NOM1: variants seen among roughly 807,000 people sequenced by gnomAD.
NOM1 encodes nucleolar protein with MIF4G domain 1.
Under a neutral mutation model 73.3 loss-of-function variants are expected in NOM1, and 58 were observed. The observed-to-expected ratio is 0.79, with a 90% CI of 0.64 to 0.99. The LOEUF is 0.99. NOM1 is among the 50% of genes least tolerant of loss of function. The pLI is 0.00. For synonymous variants in NOM1, 487 were observed against 446.8 expected (o/e 1.09, Z -1.14); for missense variants, 1,226 against 1,131.9 (o/e 1.08, Z -1.19).
intron 7 of NOM1, among the ~76,000 whole-genome samples, chr7:156,965,429 A>C (rs1804969736): frequency 6.6e-6 from 1 of 152,238 alleles, no homozygotes; most frequent in Non-Finnish European, 1.5e-5. Context: ...ACAGAGGCAG[A>C]GTCAAAACTA....
intron 3 of NOM1, among the ~76,000 whole-genome samples, chr7:156,956,290 T>C (rs1449034360): frequency 2.6e-5 from 4 of 152,126 alleles, no homozygotes; most frequent in Admixed American, 2.0e-4. Flanking sequence ...GTGGAGATGC[T>C]GCCTGAGTAC....
In NOM1 at chr7:156,950,657, G is replaced by A. The variant is rs761050431; in HGVS notation, c.920G>A (p.Arg307Lys). 6.4e-6 allele frequency: 10 copies of A among 1,552,344 alleles called. No homozygotes were observed. The South Asian group carries it at 1.1e-4, about 17-fold the overall frequency. Reference protein sequence around the residue: ...KGAQEKRRGKRVRFAEDEEKS... With the variant: ...KGAQEKRRGKKVRFAEDEEKS... ...GCGCAGGAGAAAAGGAGGGGGAAGA[G>A]AGTCCGTTTTGCAGAAGATGAAGAA... The change falls in exon 1 of 11, where the codon AGA (arginine) becomes AAA (lysine). Residue 307 changes from arginine to lysine, a missense_variant. By Grantham distance (26) the Arg-to-Lys change is conservative. Coordinates refer to ENST00000275820, the MANE Select transcript of NOM1 (RefSeq NM_138400.2).
At chr7:156,964,761 G>A (rs1276400374) in intron 7 of NOM1, among the ~76,000 whole-genome samples, 1 of 152,008 alleles carries the variant, frequency 6.6e-6, no homozygotes, top group Non-Finnish European at 1.5e-5. Context: ...GTTTCTAGTT[G>A]GAGTGGAAGT....
chr7:156,964,225 G>A (rs1804941099), intron 7 of NOM1, 199 bp downstream of exon 7: 5 of 391,960 alleles, frequency 1.3e-5, no homozygotes, highest in Non-Finnish European at 2.3e-5. Flanking sequence ...GCCTCTAGTA[G>A]TTCCTCATTA....
In NOM1 at chr7:156,962,990, C is replaced by T; in HGVS notation, c.1744-18C>T. 2 of 1,604,526 alleles carry T rather than the reference C, an allele frequency of 1.2e-6. No homozygotes were observed. Among genetic ancestry groups the T allele is most frequent in the East Asian group, 4.5e-5 (2 of 44,606 alleles). ...GAACCAATTAAAAGCATTTCATTAG[C>T]TCTTCTCTCTTCATCAGGTCCGCAA... On this transcript the variant is annotated intron_variant, in intron 5 of 10. Coordinates refer to ENST00000275820, the MANE Select transcript of NOM1 (RefSeq NM_138400.2).
chr7:156,965,780 G>A lies in NOM1; in HGVS notation c.2034-490G>A, dbSNP rs111962377. 4.0e-3 allele frequency among the ~76,000 whole-genome samples: 407 copies of A among 103,018 alleles called. 2 individuals carry two copies. The highest frequency in any genetic ancestry group is 0.012 in the Admixed American group (97 of 7,996). The allele number at this position is 103,018 out of a possible 152,430, so 67.6% of individuals were successfully genotyped here. A position where few individuals can be genotyped will look rare whatever the true frequency, so the allele number is the denominator to read the frequency against. On this transcript the variant is annotated intron_variant, in intron 7 of 10. Transcript: ENST00000275820. The stretch of plus-strand genomic sequence containing the variant: ...AAAACACAAAAATTAGCTGGGGGTG[G>A]TGGTGGCACCTGTAATCCAGCTACT...
chr7:156,956,775 A>G (rs970677548), intron 3 of NOM1, among the ~76,000 whole-genome samples: 1 of 152,172 alleles, frequency 6.6e-6, no homozygotes, highest in African/African-American at 2.4e-5. Flanking sequence ...CCTCATTTTC[A>G]TGTATGAGCA....
chr7:156,957,006 C>G (rs931343188), intron 3 of NOM1, among the ~76,000 whole-genome samples: 1 of 145,872 alleles, frequency 6.9e-6, no homozygotes, highest in African/African-American at 2.5e-5. Context: ...CGTGACCACC[C>G]ACAGCACATC....
intron 3 of NOM1, among the ~76,000 whole-genome samples, chr7:156,959,191 C>T (rs1356549798): frequency 6.6e-6 from 1 of 151,824 alleles, no homozygotes; most frequent in Non-Finnish European, 1.5e-5. Flanking sequence ...CAACCTCCAT[C>T]TCCTGGGTTC....
intron 8 of NOM1, 28 bp downstream of exon 8, chr7:156,966,430 G>C (rs751500762): frequency 6.2e-7 from 1 of 1,612,702 alleles, no homozygotes; most frequent in East Asian, 2.2e-5. Context: ...CACCAGTTAC[G>C]TCCGCTCTAC....
chr7:156,955,228 G>A (rs906019553), intron 3 of NOM1, among the ~76,000 whole-genome samples: 2 of 152,156 alleles, frequency 1.3e-5, no homozygotes, highest in Non-Finnish European at 2.9e-5. Flanking sequence ...GATGGCCTTG[G>A]TTCCACAGTC....
At chr7:156,953,192 C>T (rs939632196) in intron 2 of NOM1, among the ~76,000 whole-genome samples, 9 of 152,166 alleles carry the variant, frequency 5.9e-5, no homozygotes, top group Admixed American at 1.3e-4. Context: ...GGCGCTATCT[C>T]GGCTCACTGC....
rs147257471 is a variant in NOM1, at chr7:156,967,147, T to C, written c.2298+55T>C. ...CAATGGAAATGGGAGTGTAATTGTT[T>C]AGTACCTGGTAAATCAGGTCCTGTT... On this transcript the variant is annotated intron_variant, in intron 9 of 10. Coordinates refer to ENST00000275820, the MANE Select transcript of NOM1 (RefSeq NM_138400.2). 1.2e-3 allele frequency: 1,878 copies of C among 1,572,974 alleles called. 19 individuals carry two copies. The African/African-American group carries it at 0.02, about 17-fold the overall frequency.
intron 4 of NOM1, among the ~76,000 whole-genome samples, chr7:156,961,356 C>T (rs1804859752): frequency 6.6e-6 from 1 of 152,050 alleles, no homozygotes; most frequent in Admixed American, 6.5e-5. Context: ...ACTGGCTTAT[C>T]CTGGTCCCCG....
chr7:156,950,806 C>A, intron 1 of NOM1, 82 bp downstream of exon 1: 1 of 1,260,802 alleles, frequency 7.9e-7, no homozygotes, highest in Non-Finnish European at 1.1e-6. Context: ...GCAGAAATGA[C>A]ACAGACTTGG....
In NOM1 at chr7:156,966,331, C is replaced by T; in HGVS notation, c.2095C>T (p.Gln699Ter). The T allele has an allele frequency of 6.2e-7, 1 of 1,614,182 alleles. No homozygotes were observed. The highest frequency in any genetic ancestry group is 8.5e-7 in the Non-Finnish European group (1 of 1,180,012). The change falls in exon 8 of 11, where the codon CAA (glutamine) becomes TAA (stop). Residue 699 changes from glutamine to a stop codon, truncating the protein, a stop_gained. Coordinates refer to ENST00000275820, the MANE Select transcript of NOM1 (RefSeq NM_138400.2). LOFTEE classifies it high-confidence loss of function. ...TCACGTTCTCATGGATTGCTGCCTTCAAGAGAAAACTTACAATCCCTTCTA... is the reference window on the plus strand; with the variant it reads ...TCACGTTCTCATGGATTGCTGCCTTTAAGAGAAAACTTACAATCCCTTCTA... ...IIHVLMDCCL[Q>*]EKTYNPFYAF...
At chr7:156,957,941 A>G (rs946764128) in intron 3 of NOM1, among the ~76,000 whole-genome samples, 2 of 152,216 alleles carry the variant, frequency 1.3e-5, no homozygotes, top group Non-Finnish European at 2.9e-5. Flanking sequence ...TCTTCATTGA[A>G]GGGGCTTGAA....
chr7:156,954,427 ATACTC>A (rs1804668801), intron 3 of NOM1, 129 bp downstream of exon 3: 1 of 685,428 alleles, frequency 1.5e-6, no homozygotes, highest in Non-Finnish European at 2.3e-6. Flanking sequence ...TTGTGAATAA[ATACTC>A]TATTGTCTAT....
chr7:156,953,988 T>C, intron 2 of NOM1, 115 bp from the exon 3 acceptor site: 1 of 796,256 alleles, frequency 1.3e-6, no homozygotes, highest in Non-Finnish European at 2.0e-6. Context: ...GGGTCAAAAG[T>C]GTACATAAAA....
Sources: allele counts gnomAD v4.1 joint callset (sites outside exome capture counted in the v4.1 genomes callset), GRCh38; gene constraint gnomAD v4.1.1; transcripts MANE v1.5; gene names NCBI Gene and HGNC (gene_info 2026-07-23, HGNC 2026-07-21).